The following AMN1 variants were observed in gnomAD, a reference collection of about 807,000 sequenced individuals.
AMN1 encodes the protein protein AMN1 homolog.
A neutral mutation model predicts 33.0 loss-of-function variants in AMN1; 20 were observed. That is an observed-to-expected ratio of 0.61 (90% confidence interval 0.43 to 0.88). AMN1 has a LOEUF of 0.88. Ranked by LOEUF, AMN1 falls within the 40% of genes least tolerant of loss-of-function variation. The probability of loss-of-function intolerance (pLI) is 0.00; values close to 1 mark genes in which losing one functional copy is unlikely to be tolerated. For synonymous variants in AMN1, 114 were observed against 111.9 expected, an observed-to-expected ratio of 1.02 and a Z score of -0.12; for missense variants, 246 against 307.4, an observed-to-expected ratio of 0.80 and a Z score of 1.49.
intron 2 of AMN1, among the ~76,000 whole-genome samples, chr12:31,703,944 C>T (rs1165647015): frequency 6.6e-6 from 1 of 152,152 alleles, no homozygotes; most frequent in Non-Finnish European, 1.5e-5. Context: ...CTTTACTAGC[C>T]TTATTACTAA....
chr12:31,716,782 G>A (rs576628905), intron 1 of AMN1, among the ~76,000 whole-genome samples: 8 of 152,184 alleles, frequency 5.3e-5, no homozygotes, highest in African/African-American at 1.4e-4. Flanking sequence ...CCCCCATTCC[G>A]TGGATTGCCT....
intron 2 of AMN1, among the ~76,000 whole-genome samples, chr12:31,706,015 T>C (rs1939219528): frequency 6.6e-6 from 1 of 152,072 alleles, no homozygotes; most frequent in African/African-American, 2.4e-5. Flanking sequence ...TTTTCTCTAA[T>C]AAATCTGCCT....
chr12:31,680,598 A>G (rs1419793399), intron 6 of AMN1, among the ~76,000 whole-genome samples: 1 of 152,238 alleles, frequency 6.6e-6, no homozygotes, highest in South Asian at 2.1e-4. Flanking sequence ...GTCCTAATTC[A>G]TAATGTGAAG....
chr12:31,700,243 G>A (rs2139692150), intron 3 of AMN1, among the ~76,000 whole-genome samples: 1 of 152,094 alleles, frequency 6.6e-6, no homozygotes, highest in East Asian at 1.9e-4. Flanking sequence ...CACATCTGCG[G>A]TCCCAGCTAC....
intron 3 of AMN1, among the ~76,000 whole-genome samples, chr12:31,699,598 C>T (rs569338221): frequency 4.6e-5 from 7 of 152,208 alleles, no homozygotes; most frequent in African/African-American, 1.4e-4. Context: ...TACTCTTCAT[C>T]TTGCTGTTCA....
intron 6 of AMN1, 49 bp downstream of exon 6, chr12:31,688,957 CA>C: frequency 8.2e-7 from 1 of 1,225,098 alleles, no homozygotes; most frequent in Non-Finnish European, 1.2e-6. Flanking sequence ...CAAGGTCACA[CA>C]GTAAAAGATG....
chr12:31,709,557 G>C, intron 1 of AMN1, 132 bp from the exon 2 acceptor site: 1 of 1,117,974 alleles, frequency 8.9e-7, no homozygotes, highest in Non-Finnish European at 1.2e-6. Flanking sequence ...GGTGGCTCAC[G>C]CCTGTAATCC....
chr12:31,695,266 A>G (rs1938671211), intron 5 of AMN1, among the ~76,000 whole-genome samples: 1 of 152,222 alleles, frequency 6.6e-6, no homozygotes, highest in African/African-American at 2.4e-5. Context: ...AACTAATTTA[A>G]CTGAGAACTT....
chr12:31,691,064 G>T (rs1469638878), intron 5 of AMN1, among the ~76,000 whole-genome samples: 1 of 151,744 alleles, frequency 6.6e-6, no homozygotes, highest in African/African-American at 2.4e-5. Flanking sequence ...CTTGAACCTG[G>T]GAGATGGAGG....
intron 2 of AMN1, chr12:31,709,039 A>G: frequency 2.0e-6 from 1 of 500,576 alleles, no homozygotes; most frequent in Non-Finnish European, 3.8e-6. Flanking sequence ...TTAGCCAGGC[A>G]TGGTGGTGTA....
intron 2 of AMN1, chr12:31,708,952 T>G: frequency 2.6e-6 from 1 of 391,698 alleles, no homozygotes; most frequent in East Asian, 7.3e-5. Context: ...CTGAGGCGGA[T>G]GGATCACTTG....
chr12:31,688,508 A>G (rs139700926), intron 6 of AMN1, among the ~76,000 whole-genome samples: 1 of 152,274 alleles, frequency 6.6e-6, no homozygotes, highest in Non-Finnish European at 1.5e-5. Context: ...CAAGGCCACC[A>G]CATAAGGAAT....
chr12:31,701,789 T>C (rs1376097142), intron 3 of AMN1, 74 bp downstream of exon 3: 1 of 1,302,684 alleles, frequency 7.7e-7, no homozygotes, highest in African/African-American at 1.5e-5. Context: ...TTTGACGTAT[T>C]TTCTCCCTTA....
chr12:31,699,426 G>GAA (rs1165172554), intron 3 of AMN1, among the ~76,000 whole-genome samples: 2 of 91,314 alleles, frequency 2.2e-5, no homozygotes, highest in African/African-American at 7.8e-5. Flanking sequence ...AAAAAAGAAA[G>GAA]AAAAGAAAAG....
chr12:31,722,011 T>C (rs1243093127), intron 1 of AMN1, among the ~76,000 whole-genome samples: 2 of 152,130 alleles, frequency 1.3e-5, no homozygotes, highest in Non-Finnish European at 2.9e-5. Context: ...GACGCTACCA[T>C]TGCATGCTGG....
At chr12:31,677,956 T>G (rs1937809268) in intron 6 of AMN1, among the ~76,000 whole-genome samples, 1 of 152,178 alleles carries the variant, frequency 6.6e-6, no homozygotes, top group African/African-American at 2.4e-5. Flanking sequence ...GGCCCCGCCC[T>G]ATACCCTGGA....
At chr12:31,714,856 C>G (rs552740976) in intron 1 of AMN1, 325 of 939,124 alleles carry the variant, frequency 3.5e-4, no homozygotes, top group Non-Finnish European at 3.9e-4. Flanking sequence ...CAAATATAAA[C>G]TAGGAGGATC....
Position 31,702,121 on chromosome 12 carries a change from CAA to C in AMN1, c.172-116_172-115del, listed in dbSNP as rs1939033090. On this transcript the variant is annotated intron_variant, in intron 2 of 6. Coordinates refer to ENST00000281471, the MANE Select transcript of AMN1 (RefSeq NM_001113402.2). ...GACAAGTGGCTGATGTAAAATACAG[CAA>C]AGAATACAGAAGCATATCCATGTGC... is the stretch of plus-strand genomic sequence containing the variant. 3.3e-6 allele frequency: 3 copies of C among 922,662 alleles called. No individual in the cohort carries two copies. The East Asian group carries it at 8.4e-5, about 26-fold the overall frequency. 57.2% of individuals were successfully genotyped at this position (922,662 alleles called of 1,614,324 possible). A position where few individuals can be genotyped will look rare whatever the true frequency, so the allele number is the denominator to read the frequency against.
chr12:31,719,414 C>T (rs1239481609), intron 1 of AMN1: 1 of 648,970 alleles, frequency 1.5e-6, no homozygotes, highest in South Asian at 7.0e-5. Flanking sequence ...AAAGGTTAGA[C>T]ATTTTGTTAG....
Sources: allele counts gnomAD v4.1 joint callset (sites outside exome capture counted in the v4.1 genomes callset), GRCh38; gene constraint gnomAD v4.1.1; transcripts MANE v1.5; gene names NCBI Gene and HGNC (gene_info 2026-07-23, HGNC 2026-07-21).